The following PLCG2 variants were observed in gnomAD, a reference collection of about 807,000 sequenced individuals.
The protein encoded by PLCG2 is phospholipase C gamma 2.
Under a neutral mutation model 175.6 loss-of-function variants are expected in PLCG2, and 69 were observed. The observed-to-expected ratio is 0.39, with a 90% CI of 0.32 to 0.48. The LOEUF is 0.48. PLCG2 is among the 20% of genes least tolerant of loss of function. The probability of loss-of-function intolerance (pLI) is 0.91; values close to 1 mark genes in which losing one functional copy is unlikely to be tolerated. For synonymous variants in PLCG2, 827 were observed against 624.0 expected (o/e 1.33, Z -4.85); for missense variants, 1,798 against 1,650.9 (o/e 1.09, Z -1.54).
At chr16:81,813,126 C>A (rs937839446) in intron 2 of PLCG2, among the ~76,000 whole-genome samples, 1 of 152,166 alleles carries the variant, frequency 6.6e-6, no homozygotes, top group Admixed American at 6.6e-5. Context: ...GCAGCTTGTT[C>A]TTTCTGCTTA....
At chr16:81,854,980 C>T (rs934265420) in intron 3 of PLCG2, among the ~76,000 whole-genome samples, 3 of 151,962 alleles carry the variant, frequency 2.0e-5, no homozygotes, top group Non-Finnish European at 2.9e-5. Flanking sequence ...GAGCCTGAGG[C>T]GGGCAGATCA....
Position 81,938,838 on chromosome 16 carries a change from G to C in PLCG2, c.3236G>C (p.Ser1079Thr), listed in dbSNP as rs771514165. Residue 1079 changes from serine (S) to threonine (T), a missense_variant, in exon 29 of 33, where the codon AGT (serine) becomes ACT (threonine). Ser to Thr is a moderately conservative substitution (Grantham distance 58, BLOSUM62 1). Coordinates refer to ENST00000564138, the MANE Select transcript of PLCG2 (RefSeq NM_002661.5). ...CGCCATCTCCCCAAACTTGGACGAAGTATTGCCTGTCCCTTTGTAGAAGTG... is the reference window on the plus strand; with the variant it reads ...CGCCATCTCCCCAAACTTGGACGAACTATTGCCTGTCCCTTTGTAGAAGTG... ...GARHLPKLGRSIACPFVEVEI... is the reference protein window; with the variant it reads ...GARHLPKLGRTIACPFVEVEI... The C allele has an allele frequency of 2.5e-6, 4 of 1,613,636 alleles. No homozygotes were observed. The highest frequency in any genetic ancestry group is 3.4e-6 in the Non-Finnish European group (4 of 1,179,794).
intron 9 of PLCG2, among the ~76,000 whole-genome samples, chr16:81,887,245 G>T (rs1031016444): frequency 4.6e-5 from 7 of 151,538 alleles, no homozygotes; most frequent in Admixed American, 3.9e-4. Flanking sequence ...TCAGCCTCCC[G>T]AGTACCTGGG....
intron 2 of PLCG2, among the ~76,000 whole-genome samples, chr16:81,848,024 G>A (rs1199989920): frequency 6.6e-6 from 1 of 152,222 alleles, no homozygotes; most frequent in Non-Finnish European, 1.5e-5. Context: ...ATATGGAAAG[G>A]TGGAAGACAT....
At chr16:81,833,475 C>T (rs1037625467) in intron 2 of PLCG2, among the ~76,000 whole-genome samples, 1 of 149,514 alleles carries the variant, frequency 6.7e-6, no homozygotes, top group Non-Finnish European at 1.5e-5. Flanking sequence ...TAATCACTGA[C>T]AAGGTAAAAG....
chr16:81,807,741 G>A (rs1393675587), intron 2 of PLCG2, among the ~76,000 whole-genome samples: 1 of 152,164 alleles, frequency 6.6e-6, no homozygotes. Flanking sequence ...AGGTTTAATT[G>A]ACTCACAGTT....
chr16:81,905,799 A>G (rs4552019), intron 15 of PLCG2, among the ~76,000 whole-genome samples: 138,285 of 152,012 alleles, frequency 0.91, 62,980 homozygotes, highest in East Asian at 0.97. Flanking sequence ...CTCTGGGACC[A>G]CACGTGCGCA....
rs140543304 is a variant in PLCG2 at position 81,953,069 on chromosome 16, C to T, written c.3571-3626C>T. ...CTTGCCAAAACTGCATCGCCTCAAA[C>T]AAATTATAAGAAGACACCAGACAAA... On this transcript the variant is annotated intron_variant, in intron 31 of 32. Coordinates refer to ENST00000564138, the MANE Select transcript of PLCG2 (RefSeq NM_002661.5). 4.4e-3 allele frequency among the ~76,000 whole-genome samples: 666 copies of T among 152,244 alleles called. 13 individuals carry two copies. The highest frequency in any genetic ancestry group is 0.016 in the African/African-American group (646 of 41,536).
At chr16:81,829,625 C>T (rs2143377194) in intron 2 of PLCG2, among the ~76,000 whole-genome samples, 1 of 152,354 alleles carries the variant, frequency 6.6e-6, no homozygotes. Flanking sequence ...ACAGTTTCTC[C>T]TCGTATGTTC....
chr16:81,908,997 G>A (rs1909501354), intron 17 of PLCG2, among the ~76,000 whole-genome samples: 1 of 152,134 alleles, frequency 6.6e-6, no homozygotes. Context: ...TCCATAAAAC[G>A]AGGACTCTAG....
At chr16:81,910,820 A>G in intron 18 of PLCG2, 100 bp downstream of exon 18, 4 of 1,124,626 alleles carry the variant, frequency 3.6e-6, no homozygotes, top group Non-Finnish European at 5.3e-6. Flanking sequence ...GTCCCCCAGG[A>G]CACCCTCTCC....
At chr16:81,865,746 T>A (rs1334615923) in intron 5 of PLCG2, among the ~76,000 whole-genome samples, 1 of 146,946 alleles carries the variant, frequency 6.8e-6, no homozygotes, top group Non-Finnish European at 1.5e-5. Flanking sequence ...TGAGCTCCAC[T>A]GGGGCAGCAG....
intron 5 of PLCG2, among the ~76,000 whole-genome samples, chr16:81,865,778 C>G (rs570457716): frequency 4.0e-5 from 6 of 149,940 alleles, no homozygotes; most frequent in Non-Finnish European, 8.9e-5. Context: ...GCTGGCCTCT[C>G]CCTTGCTCCC....
intron 2 of PLCG2, among the ~76,000 whole-genome samples, chr16:81,802,757 G>T (rs1195272326): frequency 1.3e-5 from 2 of 151,982 alleles, no homozygotes; most frequent in Admixed American, 1.3e-4. Flanking sequence ...TTTTAGTAGG[G>T]ACGGCATTTC....
At chr16:81,791,876 T>C (rs1199819916) in intron 2 of PLCG2, among the ~76,000 whole-genome samples, 1 of 152,178 alleles carries the variant, frequency 6.6e-6, no homozygotes, top group Non-Finnish European at 1.5e-5. Flanking sequence ...TAGCTGGGAC[T>C]GTTGACCAAA....
chr16:81,937,987 C>T (rs1910787020), intron 28 of PLCG2, 84 bp downstream of exon 28: 2 of 1,313,074 alleles, frequency 1.5e-6, no homozygotes, highest in Non-Finnish European at 2.1e-6. Context: ...AGCAGGGAAC[C>T]CATGTCTAGG....
intron 5 of PLCG2, among the ~76,000 whole-genome samples, chr16:81,860,173 T>TTATTATTTA (rs56260145): frequency 2.5e-5 from 2 of 81,516 alleles, no homozygotes; most frequent in East Asian, 2.7e-4. Context: ...ATTATTATTA[T>TTATTATTTA]TTTTTTTTTT....
At chr16:81,853,590 C>A (rs577168036) in intron 2 of PLCG2, among the ~76,000 whole-genome samples, 22 of 152,260 alleles carry the variant, frequency 1.4e-4, no homozygotes, top group African/African-American at 5.3e-4. Context: ...GTAGGGTTTG[C>A]GCCCCTATGA....
At chr16:81,815,684 G>C (rs915591507) in intron 2 of PLCG2, among the ~76,000 whole-genome samples, 1 of 152,138 alleles carries the variant, frequency 6.6e-6, no homozygotes, top group South Asian at 2.1e-4. Flanking sequence ...ATTTTTTCCA[G>C]TTCCCATGCA....
Sources: gnomAD v4.1 joint callset for allele counts (sites outside exome capture counted in the v4.1 genomes callset) on GRCh38, gnomAD v4.1.1 for gene constraint, MANE v1.5 for transcripts, NCBI Gene and HGNC (gene_info 2026-07-23, HGNC 2026-07-21) for gene names.